SLC9A9: variants seen among roughly 807,000 people sequenced by gnomAD.
The protein encoded by SLC9A9 is sodium/hydrogen exchanger 9.
Under a neutral mutation model 77.8 loss-of-function variants are expected in SLC9A9, and 62 were observed. That is an observed-to-expected ratio of 0.80 (90% CI 0.65 to 0.98). The LOEUF (loss-of-function observed/expected upper bound fraction) is 0.98. Ranked by LOEUF, SLC9A9 falls within the 50% of genes least tolerant of loss-of-function variation. SLC9A9 has a pLI of 0.00. For missense variants in SLC9A9, 775 were observed against 774.9 expected (o/e 1.00, Z 0.00); for synonymous variants, 320 against 283.5 (o/e 1.13, Z -1.29).
At chr3:143,710,225 T>C (rs1257068210) in intron 4 of SLC9A9, among the ~76,000 whole-genome samples, 1 of 152,206 alleles carries the variant, frequency 6.6e-6, no homozygotes, top group African/African-American at 2.4e-5. Flanking sequence ...CTTTCATTAA[T>C]AACAAGTAAG....
chr3:143,741,314 C>T (rs549857935), intron 4 of SLC9A9, among the ~76,000 whole-genome samples: 5 of 151,952 alleles, frequency 3.3e-5, no homozygotes, highest in Non-Finnish European at 7.4e-5. Context: ...GGCACAGAAA[C>T]CAATAGAAGG....
chr3:143,822,872 C>G (rs942747043), intron 2 of SLC9A9, among the ~76,000 whole-genome samples: 2 of 152,170 alleles, frequency 1.3e-5, no homozygotes, highest in African/African-American at 4.8e-5. Context: ...CCCTCTCTCC[C>G]TGCCTTGAAT....
intron 4 of SLC9A9, among the ~76,000 whole-genome samples, chr3:143,784,060 C>G (rs2007968797): frequency 2.6e-5 from 4 of 152,186 alleles, no homozygotes; most frequent in Admixed American, 2.6e-4. Flanking sequence ...AAGAGATTCC[C>G]TCAGCAGAGA....
chr3:143,571,130 AG>A (rs893235883), intron 8 of SLC9A9, among the ~76,000 whole-genome samples: 7 of 152,178 alleles, frequency 4.6e-5, no homozygotes, highest in Non-Finnish European at 8.8e-5. Context: ...TTGAAAGGTC[AG>A]GGCCTGGGGA....
chr3:143,710,510 G>T (rs1332866601), intron 4 of SLC9A9, among the ~76,000 whole-genome samples: 1 of 151,910 alleles, frequency 6.6e-6, no homozygotes, highest in Non-Finnish European at 1.5e-5. Context: ...ATATGAAGCT[G>T]CAACATTGTT....
chr3:143,540,601 C>A (rs369229122), intron 9 of SLC9A9, among the ~76,000 whole-genome samples: 1 of 152,096 alleles, frequency 6.6e-6, no homozygotes, highest in African/African-American at 2.4e-5. Flanking sequence ...ATCAGGATCA[C>A]GTGTAAAGTT....
intron 6 of SLC9A9, among the ~76,000 whole-genome samples, chr3:143,602,364 G>A (rs1413616282): frequency 1.3e-5 from 2 of 152,200 alleles, no homozygotes; most frequent in East Asian, 1.9e-4. Context: ...AGATCTCAAC[G>A]TGAGATCTGG....
At chr3:143,279,311 A>C (rs1189037548) in intron 14 of SLC9A9, among the ~76,000 whole-genome samples, 1 of 152,200 alleles carries the variant, frequency 6.6e-6, no homozygotes, top group Non-Finnish European at 1.5e-5. Context: ...GCAAGATTTC[A>C]AGTGAGAACT....
chr3:143,485,097 C>A (rs886534201), intron 11 of SLC9A9, among the ~76,000 whole-genome samples: 2 of 152,232 alleles, frequency 1.3e-5, no homozygotes, highest in African/African-American at 4.8e-5. Flanking sequence ...AACCTTCACC[C>A]TTCAGCCCTG....
In SLC9A9 at chr3:143,490,050, A is replaced by C. The variant is rs184779016; in HGVS notation, c.1315+3603T>G. Among the ~76,000 whole-genome samples, 25 of 152,302 alleles carry C rather than the reference A, an allele frequency of 1.6e-4. No individual in the cohort carries two copies. The East Asian group carries it at 4.4e-3, about 27-fold the overall frequency. On this transcript the variant is annotated intron_variant, in intron 11 of 15. Transcript: ENST00000316549. Reference sequence around the variant, plus strand: ...TTTGGCCAGAATGTGGAGAAATAAGAACATTTGGGCACTGTTGGTAGAAAT... The same window carrying C: ...TTTGGCCAGAATGTGGAGAAATAAGCACATTTGGGCACTGTTGGTAGAAAT...
In SLC9A9 at chr3:143,666,478, T is replaced by C. The variant is rs371906346; in HGVS notation, c.650-14118A>G. Among the ~76,000 whole-genome samples, 5 of 152,162 alleles carry C rather than the reference T, an allele frequency of 3.3e-5. No homozygotes were observed. In the East Asian group the frequency reaches 7.7e-4, roughly 23 times the overall value. On this transcript the variant is annotated intron_variant, in intron 5 of 15. Transcript: ENST00000316549. ...CTATTCAACATAGTGTTGGACGTTCTGGCAAAGGCAATCAGACAGGAGAAA... is the reference window on the plus strand; with the variant it reads ...CTATTCAACATAGTGTTGGACGTTCCGGCAAAGGCAATCAGACAGGAGAAA...
intron 5 of SLC9A9, among the ~76,000 whole-genome samples, chr3:143,669,625 T>C (rs2039127523): frequency 6.6e-6 from 1 of 152,214 alleles, no homozygotes; most frequent in African/African-American, 2.4e-5. Flanking sequence ...GCAAGACCTT[T>C]GTGCCAAGAC....
rs1391659228 is a variant in SLC9A9 at position 143,528,557 on chromosome 3, C to A, written c.1089+23805G>T. ...CTCTATCCCGGTAGTAGTTGGTCAC[C>A]CTATAACCCTATGAACAACTCTGTG... On this transcript the variant is annotated intron_variant, in intron 9 of 15. Transcript: ENST00000316549. Among the ~76,000 whole-genome samples, 5 of 152,180 alleles carry A rather than the reference C, an allele frequency of 3.3e-5. No individual in the cohort carries two copies. In the East Asian group the frequency reaches 9.6e-4, roughly 29 times the overall value.
chr3:143,802,341 C>T (rs1475967582), intron 2 of SLC9A9, among the ~76,000 whole-genome samples: 1 of 152,190 alleles, frequency 6.6e-6, no homozygotes, highest in African/African-American at 2.4e-5. Flanking sequence ...AATCACTTCT[C>T]AGTGTTTCAT....
chr3:143,483,854 G>C (rs930895088), intron 11 of SLC9A9, among the ~76,000 whole-genome samples: 2 of 152,294 alleles, frequency 1.3e-5, no homozygotes, highest in South Asian at 4.1e-4. Flanking sequence ...CCTGAGGTGT[G>C]CTGCCTTACT....
intron 14 of SLC9A9, among the ~76,000 whole-genome samples, chr3:143,336,456 T>G (rs1424191244): frequency 6.6e-6 from 1 of 152,158 alleles, no homozygotes; most frequent in Non-Finnish European, 1.5e-5. Flanking sequence ...CACGGCAGCA[T>G]TATTCACAAT....
intron 14 of SLC9A9, among the ~76,000 whole-genome samples, chr3:143,321,611 C>T (rs2031422726): frequency 6.6e-6 from 1 of 152,108 alleles, no homozygotes; most frequent in African/African-American, 2.4e-5. Context: ...GCCTGAGTGA[C>T]AGTTATGTTT....
intron 12 of SLC9A9, among the ~76,000 whole-genome samples, chr3:143,458,846 T>C (rs1039792800): frequency 5.9e-5 from 9 of 152,218 alleles, no homozygotes; most frequent in African/African-American, 2.2e-4. Context: ...TGCTCCTTCA[T>C]TCCTGCTGTT....
chr3:143,799,329 A>C (rs1338960681), intron 2 of SLC9A9, among the ~76,000 whole-genome samples: 1 of 152,220 alleles, frequency 6.6e-6, no homozygotes, highest in African/African-American at 2.4e-5. Context: ...AAAGCTTCGA[A>C]AATTAAATTC....
Sources: gnomAD v4.1 joint callset for allele counts (sites outside exome capture counted in the v4.1 genomes callset) on GRCh38, gnomAD v4.1.1 for gene constraint, MANE v1.5 for transcripts, NCBI Gene and HGNC (gene_info 2026-07-23, HGNC 2026-07-21) for gene names.